Variants in BCAS3 observed in about 807,000 individuals in gnomAD.
The protein encoded by BCAS3 is BCAS4/BCAS3 fusion.
A neutral mutation model predicts 116.1 loss-of-function variants in BCAS3; 53 were observed. That is an observed-to-expected ratio of 0.46 (90% CI 0.37 to 0.57). BCAS3 has a LOEUF of 0.57. Among genes scored for constraint, BCAS3 ranks in the 20% least tolerant of loss-of-function variants. The probability of loss-of-function intolerance (pLI) is 0.00; values close to 1 mark genes in which losing one functional copy is unlikely to be tolerated. For missense variants in BCAS3, 917 were observed against 1,165.4 expected (o/e 0.79, Z 3.10); for synonymous variants, 391 against 408.2 (o/e 0.96, Z 0.51).
rs551163391 is a variant in BCAS3 at position 60,990,578 on chromosome 17, T to G, written c.1486+343T>G. ...TTCTATGTTCAATGGGACACTATAG[T>G]TTATTAAGAAATATTCATTGTTGGA... On this transcript the variant is annotated intron_variant, in intron 15 of 23. Coordinates refer to ENST00000407086, the MANE Select transcript of BCAS3 (RefSeq NM_017679.5). This position sits in a 1 kb window ranked among gnomAD's most constrained non-coding sequence, Gnocchi z 5.1. Among the ~76,000 whole-genome samples, 4 of 152,312 alleles carry G rather than the reference T, an allele frequency of 2.6e-5. No homozygotes were observed. Among genetic ancestry groups the G allele is most frequent in the Admixed American group, 6.5e-5 (1 of 15,300 alleles).
chr17:61,107,125 C>A (rs143288890), intron 22 of BCAS3, among the ~76,000 whole-genome samples: 1 of 119,762 alleles, frequency 8.3e-6, no homozygotes, highest in African/African-American at 3.1e-5. Context: ...CTCGCTCTGT[C>A]GCCCAGGCTG....
At chr17:60,867,093 T>C (rs866883738) in intron 7 of BCAS3, among the ~76,000 whole-genome samples, 7 of 151,082 alleles carry the variant, frequency 4.6e-5, no homozygotes, top group Middle Eastern at 3.2e-3. Context: ...TATTTTCTTT[T>C]AGGTAGGTTT....
intron 11 of BCAS3, among the ~76,000 whole-genome samples, chr17:60,909,317 G>A (rs1346086731): frequency 6.6e-6 from 1 of 151,856 alleles, no homozygotes; most frequent in Non-Finnish European, 1.5e-5. Context: ...CTGTCTTTGT[G>A]TACTATTTAT....
In BCAS3 at chr17:61,327,697, ATG is replaced by A. The variant is rs888476401; in HGVS notation, c.2426-40629_2426-40628del. ...ACTAATTTTTGTATTTTTGGTAGAG[ATG>A]GGGTTTCACCATGTTGGCCAGGCAG... On this transcript the variant is annotated intron_variant, in intron 22 of 23. Transcript: ENST00000407086. The surrounding 1 kb of genome is among the most constrained non-coding windows in gnomAD (Gnocchi z 5.9). Among the ~76,000 whole-genome samples the A allele has an allele frequency of 2.0e-5, 3 of 152,106 alleles. No individual in the cohort carries two copies. Among genetic ancestry groups the A allele is most frequent in the Admixed American group, 6.5e-5 (1 of 15,268 alleles).
chr17:61,172,369 C>T lies in BCAS3; in HGVS notation c.2425+87805C>T, dbSNP rs143872367. 5.4e-4 allele frequency among the ~76,000 whole-genome samples: 82 copies of T among 152,334 alleles called. 1 individual carries two copies. In the East Asian group the frequency reaches 0.015, roughly 28 times the overall value. Reference sequence around the variant, plus strand: ...TTCATATTCTGGCCGGGCGTGGTGGCTTACGCCTAATCCCAGCACTTTGGG... The same window carrying T: ...TTCATATTCTGGCCGGGCGTGGTGGTTTACGCCTAATCCCAGCACTTTGGG... On this transcript the variant is annotated intron_variant, in intron 22 of 23. Coordinates refer to ENST00000407086, the MANE Select transcript of BCAS3 (RefSeq NM_017679.5).
chr17:60,853,805 CT>C lies in BCAS3; in HGVS notation c.477-14763del, dbSNP rs903546385. Among the ~76,000 whole-genome samples, 20 of 152,160 alleles carry C rather than the reference CT, an allele frequency of 1.3e-4. No homozygotes were observed. In the South Asian group the frequency reaches 1.4e-3, roughly 11 times the overall value. ...TTATTAAGTATATGTCTATCACATACTTTTTTTTCATCCATGTTGTAGCATG... is the reference window on the plus strand; with the variant it reads ...TTATTAAGTATATGTCTATCACATACTTTTTTTCATCCATGTTGTAGCATG... On this transcript the variant is annotated intron_variant, in intron 7 of 23. Coordinates refer to ENST00000407086, the MANE Select transcript of BCAS3 (RefSeq NM_017679.5).
chr17:60,955,386 AT>A (rs1016334366), intron 14 of BCAS3, among the ~76,000 whole-genome samples: 3,310 of 128,082 alleles, frequency 0.026, 134 homozygotes, highest in African/African-American at 0.097. Context: ...GGGAAACTGA[AT>A]TTTTTTTTTT....
intron 4 of BCAS3, among the ~76,000 whole-genome samples, chr17:60,699,764 G>A (rs991148747): frequency 1.3e-5 from 2 of 151,498 alleles, no homozygotes; most frequent in African/African-American, 4.9e-5. Flanking sequence ...GTCATTATTG[G>A]TGTTTTAAAA....
intron 23 of BCAS3, chr17:61,383,025 A>G (rs1409660059): frequency 6.6e-6 from 1 of 152,368 alleles, no homozygotes; most frequent in African/African-American, 2.4e-5. Context: ...CCTGAGAGAC[A>G]TGGAGGTCCT....
At chr17:61,351,633 A>G (rs1568918868) in intron 22 of BCAS3, among the ~76,000 whole-genome samples, 1 of 152,336 alleles carries the variant, frequency 6.6e-6, no homozygotes, top group East Asian at 1.9e-4. Flanking sequence ...ATCGAGCACA[A>G]GTTTCCCACT....
rs74723501 is a variant in BCAS3, at chr17:60,926,708, G to A, written c.1087+2208G>A. 2.0e-3 allele frequency among the ~76,000 whole-genome samples: 298 copies of A among 152,218 alleles called. 2 individuals carry two copies. In the East Asian group the frequency reaches 0.052, roughly 27 times the overall value. On this transcript the variant is annotated intron_variant, in intron 13 of 23. Transcript: ENST00000407086. ...GTTATGTCAGATCTCCTTTGTGTTA[G>A]TGTATATTTCATATAACCCTACAGT...
At chr17:60,988,582 G>A (rs1298418640) in intron 14 of BCAS3, among the ~76,000 whole-genome samples, 1 of 151,574 alleles carries the variant, frequency 6.6e-6, no homozygotes, top group African/African-American at 2.4e-5. Context: ...ACTTGTTACT[G>A]GTTTATTCAG....
chr17:60,975,244 A>C (rs994674003), intron 14 of BCAS3, among the ~76,000 whole-genome samples: 1 of 147,300 alleles, frequency 6.8e-6, no homozygotes, highest in Non-Finnish European at 1.5e-5. Flanking sequence ...CTCATGATCC[A>C]CCCGCCTCGG....
At chr17:61,274,945 A>G (rs1181782139) in intron 22 of BCAS3, among the ~76,000 whole-genome samples, 3 of 152,074 alleles carry the variant, frequency 2.0e-5, no homozygotes, top group African/African-American at 7.2e-5. Flanking sequence ...TTCAGCCTCT[A>G]TCTCCTGGTC....
rs73993707 is a variant in BCAS3 at position 61,169,465 on chromosome 17, G to A, written c.2425+84901G>A. Among the ~76,000 whole-genome samples the A allele has an allele frequency of 8.7e-4, 132 of 152,148 alleles. 1 individual carries two copies. Among genetic ancestry groups the A allele is most frequent in the African/African-American group, 3.1e-3 (128 of 41,496 alleles). Reference sequence around the variant, plus strand: ...GTTATTTAAAAAAAATTGAGATGGGGTTTTGCTATGTTGACCAGGCTGGTC... The same window carrying A: ...GTTATTTAAAAAAAATTGAGATGGGATTTTGCTATGTTGACCAGGCTGGTC... On this transcript the variant is annotated intron_variant, in intron 22 of 23. Transcript: ENST00000407086.
intron 6 of BCAS3, among the ~76,000 whole-genome samples, chr17:60,776,985 A>G (rs1158941175): frequency 3.3e-5 from 5 of 149,560 alleles, no homozygotes; most frequent in Non-Finnish European, 3.0e-5. Context: ...ACTGCACTCC[A>G]CGCTGGGCAA....
intron 14 of BCAS3, among the ~76,000 whole-genome samples, chr17:60,963,904 A>T (rs2061534923): frequency 6.6e-6 from 1 of 152,140 alleles, no homozygotes; most frequent in Non-Finnish European, 1.5e-5. Flanking sequence ...AACTTTACTG[A>T]ATTTGCTGAT....
chr17:61,061,655 T>C (rs1198257847), intron 19 of BCAS3, among the ~76,000 whole-genome samples: 6 of 152,236 alleles, frequency 3.9e-5, no homozygotes, highest in Non-Finnish European at 1.5e-5. Context: ...TAGTATCTTA[T>C]CAAGTATATT....
rs2076045080 is a variant in BCAS3 at position 61,126,347 on chromosome 17, T to C, written c.2425+41783T>C. 6.6e-6 allele frequency among the ~76,000 whole-genome samples: 1 copy of C among 152,138 alleles called. No individual in the cohort carries two copies. The highest frequency in any genetic ancestry group is 1.5e-5 in the Non-Finnish European group (1 of 68,000). ...TACTGAATTGTCAGTGATACTTATT[T>C]TCAGAGACATTAGAAAAAAAGAGCA... On this transcript the variant is annotated intron_variant, in intron 22 of 23. Transcript: ENST00000407086. The surrounding 1 kb of genome is among the most constrained non-coding windows in gnomAD (Gnocchi z 4.6).
Sources: gnomAD v4.1 joint callset for allele counts (sites outside exome capture counted in the v4.1 genomes callset) on GRCh38, gnomAD v4.1.1 for gene constraint, Gnocchi (gnomAD v3.1) non-coding constraint, MANE v1.5 for transcripts, NCBI Gene and HGNC (gene_info 2026-07-23, HGNC 2026-07-21) for gene names.